DMD: variants seen among roughly 807,000 people sequenced by gnomAD.
DMD encodes the protein dystrophin.
In DMD, 63 loss-of-function variants were observed where a neutral mutation model predicts 330.1. That is an observed-to-expected ratio of 0.19 (90% CI 0.16 to 0.24). The LOEUF is 0.24. Among genes scored for constraint, DMD ranks in the 10% least tolerant of loss-of-function variants. The pLI is 1.00. For missense variants in DMD, 3,344 were observed against 2,684.1 expected (o/e 1.25, Z -5.43); for synonymous variants, 1,223 against 959.8 (o/e 1.27, Z -5.07).
At chrX:33,179,307 A>C (rs2049837616) in intron 1 of DMD, among the ~76,000 whole-genome samples, 1 of 111,781 alleles carries the variant, frequency 8.9e-6, no homozygotes, top group Non-Finnish European at 1.9e-5. Context: ...TGAAATATAA[A>C]ATTGAATTTG....
intron 59 of DMD, among the ~76,000 whole-genome samples, chrX:31,468,245 T>G (rs1923554090): frequency 8.9e-6 from 1 of 112,233 alleles, no homozygotes; most frequent in Admixed American, 9.5e-5. Flanking sequence ...CTACTTCTTT[T>G]AATTGTGATG....
intron 5 of DMD, 134 bp downstream of exon 5, chrX:32,823,161 T>TC (rs1293071302): frequency 5.8e-6 from 3 of 518,590 alleles, no homozygotes; most frequent in African/African-American, 2.3e-5. Flanking sequence ...CATGGTAGTG[T>TC]CAATTTAAAA....
chrX:32,261,196 G>A (rs1030100600), intron 43 of DMD, among the ~76,000 whole-genome samples: 2 of 111,923 alleles, frequency 1.8e-5, no homozygotes, highest in African/African-American at 3.2e-5. Flanking sequence ...GGGGCTACCC[G>A]TTTGAAATCA....
At chrX:32,280,148 ATATATATATATATACAG>A (rs201164260) in intron 43 of DMD, among the ~76,000 whole-genome samples, 279 of 18,539 alleles carry the variant, frequency 0.015, 4 homozygotes, top group African/African-American at 0.075. Flanking sequence ...TATACAGTAT[ATATATATATATATACAG>A]TATATATATA....
intron 51 of DMD, among the ~76,000 whole-genome samples, chrX:31,767,724 T>C (rs1192277225): frequency 4.5e-5 from 5 of 112,014 alleles, no homozygotes; most frequent in Non-Finnish European, 7.5e-5. Flanking sequence ...ACTACACAAG[T>C]TGTTTAGTAA....
chrX:32,159,376 C>T (rs2096841007), intron 44 of DMD, among the ~76,000 whole-genome samples: 1 of 111,801 alleles, frequency 8.9e-6, no homozygotes, highest in Non-Finnish European at 1.9e-5. Context: ...CCTTTTTTGT[C>T]ATAACAAATA....
chrX:32,834,312 C>G (rs909856572), intron 4 of DMD, among the ~76,000 whole-genome samples: 1 of 111,332 alleles, frequency 9.0e-6, no homozygotes. Flanking sequence ...TACTTAAATA[C>G]TAGATTTTAT....
chrX:31,138,175 C>T (rs984746023), intron 76 of DMD, among the ~76,000 whole-genome samples: 2 of 111,626 alleles, frequency 1.8e-5, no homozygotes, highest in Admixed American at 9.5e-5. Context: ...GCATATGGCC[C>T]AGGTAGCTTG....
intron 2 of DMD, among the ~76,000 whole-genome samples, chrX:33,016,314 G>A (rs113252465): frequency 0.011 from 1,202 of 111,675 alleles, 16 homozygotes; most frequent in African/African-American, 0.037. Context: ...CAGATCAGAA[G>A]AAGTTAATCA....
chrX:32,205,010 T>TCTCTCTCTCTC (rs2097059434), intron 44 of DMD, among the ~76,000 whole-genome samples: 28 of 53,028 alleles, frequency 5.3e-4, no homozygotes, highest in Non-Finnish European at 7.4e-4. Context: ...CTCTCTCACA[T>TCTCTCTCTCTC]ACACACACAC....
intron 3 of DMD, 27 bp downstream of exon 3, chrX:32,849,701 T>G (rs1176512622): frequency 9.2e-7 from 1 of 1,090,200 alleles, no homozygotes; most frequent in Admixed American, 2.2e-5. Flanking sequence ...AGTTTAAAGT[T>G]AACTTTCTTA....
intron 1 of DMD, among the ~76,000 whole-genome samples, chrX:33,332,166 T>C (rs1197350200): frequency 1.8e-5 from 2 of 110,938 alleles, no homozygotes; most frequent in Admixed American, 9.6e-5. Flanking sequence ...CTATATAGAG[T>C]GGATTAAATT....
At chrX:32,573,930 G>A in intron 13 of DMD, 84 bp from the exon 14 acceptor site, 1 of 769,951 alleles carries the variant, frequency 1.3e-6, no homozygotes, top group East Asian at 3.3e-5. Context: ...ATTTGCCAAA[G>A]TATCTCAGTC....
At chrX:33,038,998 A>C (rs1187847310) in intron 1 of DMD, among the ~76,000 whole-genome samples, 4 of 111,580 alleles carry the variant, frequency 3.6e-5, no homozygotes, top group African/African-American at 1.3e-4. Context: ...CGTCTCAAAA[A>C]AGAAAAAAAA....
chrX:32,859,240 G>C (rs2081863920), intron 2 of DMD, among the ~76,000 whole-genome samples: 1 of 110,793 alleles, frequency 9.0e-6, no homozygotes, highest in Non-Finnish European at 1.9e-5. Context: ...CGCTGAGGCA[G>C]GTGGCTCACT....
At chrX:31,749,728 C>T (rs1267774969) in intron 51 of DMD, among the ~76,000 whole-genome samples, 2 of 105,999 alleles carry the variant, frequency 1.9e-5, no homozygotes, top group Non-Finnish European at 3.9e-5. Context: ...CACTGACTTC[C>T]ACAATGGTTG....
chrX:31,854,042 C>A (rs1186475839), intron 48 of DMD, among the ~76,000 whole-genome samples: 1 of 111,903 alleles, frequency 8.9e-6, no homozygotes, highest in African/African-American at 3.3e-5. Context: ...TACGCATACT[C>A]ATCCTACTAA....
rs747179364 is a variant in DMD, at chrX:32,365,241, G to A, written c.4846-42C>T. 5 of 1,177,994 alleles carry A rather than the reference G, an allele frequency of 4.2e-6. No homozygotes were observed. The South Asian group carries it at 9.0e-5, about 21-fold the overall frequency. ...ATTGACCTTCAAGTAATGTCTTGTA[G>A]TCTTAAGATTTAATGCTTATGAAAC... On this transcript the variant is annotated intron_variant, in intron 34 of 78. Coordinates refer to ENST00000357033, the MANE Select transcript of DMD (RefSeq NM_004006.3).
chrX:32,828,526 G>A (rs1360948210), intron 4 of DMD, among the ~76,000 whole-genome samples: 2 of 108,382 alleles, frequency 1.8e-5, no homozygotes, highest in Non-Finnish European at 3.8e-5. Flanking sequence ...ATTTCAGGGA[G>A]ATATAGACAT....
Sources: allele counts gnomAD v4.1 joint callset (sites outside exome capture counted in the v4.1 genomes callset), GRCh38; gene constraint gnomAD v4.1.1; transcripts MANE v1.5; gene names NCBI Gene and HGNC (gene_info 2026-07-23, HGNC 2026-07-21).